Variants in HHAT observed in about 807,000 individuals in gnomAD.
HHAT encodes the protein protein-cysteine N-palmitoyltransferase HHAT.
Under a neutral mutation model 70.8 loss-of-function variants are expected in HHAT, and 47 were observed. The observed-to-expected ratio is 0.66, with a 90% confidence interval of 0.53 to 0.85. The LOEUF (loss-of-function observed/expected upper bound fraction) is 0.85. Among genes scored for constraint, HHAT ranks in the 40% least tolerant of loss-of-function variants. The pLI is 0.00. For synonymous variants in HHAT, 228 were observed against 247.6 expected (o/e 0.92, Z 0.74); for missense variants, 609 against 604.8 (o/e 1.01, Z -0.07).
chr1:210,448,808 A>G (rs1291831836), intron 7 of HHAT, among the ~76,000 whole-genome samples: 1 of 150,408 alleles, frequency 6.6e-6, no homozygotes, highest in Non-Finnish European at 1.5e-5. Context: ...GGATTTCAGC[A>G]GTGAGGGTCT....
At chr1:210,494,584 T>C (rs1305596773) in intron 8 of HHAT, among the ~76,000 whole-genome samples, 1 of 126,274 alleles carries the variant, frequency 7.9e-6, no homozygotes, top group Non-Finnish European at 1.7e-5. Context: ...CAGAGTTTGC[T>C]CTTTTTTCCC....
chr1:210,422,723 T>G (rs2148291271), intron 7 of HHAT, among the ~76,000 whole-genome samples: 1 of 152,274 alleles, frequency 6.6e-6, no homozygotes, highest in Admixed American at 6.5e-5. Flanking sequence ...CTGCAACCTC[T>G]GCCTCTTGGT....
At chr1:210,512,338 C>A (rs562805079) in intron 8 of HHAT, among the ~76,000 whole-genome samples, 177 of 152,222 alleles carry the variant, frequency 1.2e-3, no homozygotes, top group Non-Finnish European at 2.4e-3. Flanking sequence ...GCCCCACCCC[C>A]CCTCACCTGC....
At chr1:210,653,557 A>G (rs970127081) in intron 11 of HHAT, among the ~76,000 whole-genome samples, 1 of 151,438 alleles carries the variant, frequency 6.6e-6, no homozygotes, top group African/African-American at 2.4e-5. Context: ...GTTAAATACC[A>G]TTTAATGTGT....
chr1:210,391,336 A>G (rs1439484327), intron 4 of HHAT, among the ~76,000 whole-genome samples: 2 of 152,240 alleles, frequency 1.3e-5, no homozygotes, highest in Non-Finnish European at 2.9e-5. Flanking sequence ...CTTTTAGAAA[A>G]TATGACATAG....
At chr1:210,451,721 G>C (rs773258372) in intron 7 of HHAT, among the ~76,000 whole-genome samples, 22 of 152,016 alleles carry the variant, frequency 1.4e-4, no homozygotes, top group Non-Finnish European at 4.4e-5. Flanking sequence ...TATGACTGTG[G>C]GCATGCATTA....
chr1:210,627,332 A>G (rs1670006266), intron 11 of HHAT, among the ~76,000 whole-genome samples: 1 of 152,212 alleles, frequency 6.6e-6, no homozygotes, highest in Non-Finnish European at 1.5e-5. Flanking sequence ...GGCATCACTG[A>G]TGTGCCTAGA....
At chr1:210,361,133 G>C (rs931495893) in intron 2 of HHAT, among the ~76,000 whole-genome samples, 1 of 152,216 alleles carries the variant, frequency 6.6e-6, no homozygotes, top group Non-Finnish European at 1.5e-5. Context: ...TGTTTCTAAA[G>C]GTTGCAGTTT....
At chr1:210,392,272 C>G (rs1336618232) in intron 4 of HHAT, among the ~76,000 whole-genome samples, 1 of 152,110 alleles carries the variant, frequency 6.6e-6, no homozygotes, top group Non-Finnish European at 1.5e-5. Flanking sequence ...ATCTGTCCTC[C>G]CCACGTCTCT....
intron 7 of HHAT, among the ~76,000 whole-genome samples, chr1:210,431,009 T>C (rs991468391): frequency 4.6e-5 from 7 of 151,954 alleles, no homozygotes; most frequent in African/African-American, 1.7e-4. Context: ...TTATCCATTT[T>C]ACTTCTGTCA....
intron 7 of HHAT, among the ~76,000 whole-genome samples, chr1:210,438,867 G>T (rs57392620): frequency 0.013 from 1,942 of 152,028 alleles, 95 homozygotes; most frequent in African/African-American, 0.043. Flanking sequence ...CCTATGAGCA[G>T]ATAGAATCGT....
In HHAT at chr1:210,329,262, C is replaced by T. The variant is rs577478156; in HGVS notation, c.-44+158C>T. 18 of 1,182,542 alleles carry T rather than the reference C, an allele frequency of 1.5e-5. No individual in the cohort carries two copies. The Admixed American group carries it at 8.2e-4, about 54-fold the overall frequency. 73.3% of individuals were successfully genotyped at this position (1,182,542 alleles called of 1,614,324 possible). A position where few individuals can be genotyped will look rare whatever the true frequency, so the allele number is the denominator to read the frequency against. On this transcript the variant is annotated intron_variant, in intron 1 of 11. Coordinates refer to ENST00000261458, the MANE Select transcript of HHAT (RefSeq NM_018194.6). Reference sequence around the variant, plus strand: ...GGGCGGGACAGAGGAAGTTCCCGGTCGGGCGAAGAAGACAAAAGCGGCGGG... The same window carrying T: ...GGGCGGGACAGAGGAAGTTCCCGGTTGGGCGAAGAAGACAAAAGCGGCGGG...
chr1:210,469,192 A>C lies in HHAT; in HGVS notation c.1007+4537A>C, dbSNP rs369253581. 1.6e-3 allele frequency among the ~76,000 whole-genome samples: 236 copies of C among 152,104 alleles called. 1 individual carries two copies. The highest frequency in any genetic ancestry group is 0.011 in the South Asian group (52 of 4,808). On this transcript the variant is annotated intron_variant, in intron 8 of 11. Transcript: ENST00000261458. ...GCTCAATTTCAGCTCTGCACCGGAG[A>C]TGTGATGATTCTGAGATAGAGACTA...
intron 9 of HHAT, among the ~76,000 whole-genome samples, chr1:210,527,915 C>T (rs926142880): frequency 6.6e-6 from 1 of 152,196 alleles, no homozygotes; most frequent in Non-Finnish European, 1.5e-5. Flanking sequence ...TGAGTTATGT[C>T]AAGCAAATAA....
At chr1:210,332,824 T>C (rs590883) in intron 1 of HHAT, among the ~76,000 whole-genome samples, 114,973 of 152,172 alleles carry the variant, frequency 0.76, 44,626 homozygotes, top group African/African-American at 0.94. Context: ...GTATGACTCC[T>C]GGTATTTTCT....
At chr1:210,393,976 T>G (rs1243773875) in intron 4 of HHAT, among the ~76,000 whole-genome samples, 1 of 152,176 alleles carries the variant, frequency 6.6e-6, no homozygotes, top group Admixed American at 6.5e-5. Context: ...GGTAGTTGTT[T>G]TTGGTACTTA....
chr1:210,534,326 C>T (rs114360962), intron 9 of HHAT, among the ~76,000 whole-genome samples: 1,855 of 152,268 alleles, frequency 0.012, 18 homozygotes, highest in Non-Finnish European at 0.019. Flanking sequence ...CTTTGGCTAC[C>T]TGAGGATGTG....
At chr1:210,426,482 A>G (rs1352172442) in intron 7 of HHAT, among the ~76,000 whole-genome samples, 2 of 152,164 alleles carry the variant, frequency 1.3e-5, no homozygotes, top group Non-Finnish European at 2.9e-5. Context: ...TGGGTTTGTC[A>G]TAGATGGCTT....
At chr1:210,643,586 G>A (rs1038694974) in intron 11 of HHAT, among the ~76,000 whole-genome samples, 1 of 152,198 alleles carries the variant, frequency 6.6e-6, no homozygotes, top group Non-Finnish European at 1.5e-5. Flanking sequence ...GTCAGTTGAA[G>A]TTGGAGATGC....
Sources: gnomAD v4.1 joint callset for allele counts (sites outside exome capture counted in the v4.1 genomes callset) on GRCh38, gnomAD v4.1.1 for gene constraint, MANE v1.5 for transcripts, NCBI Gene and HGNC (gene_info 2026-07-23, HGNC 2026-07-21) for gene names.